Variants in DOCK8 observed in about 807,000 individuals in gnomAD.
DOCK8 encodes dedicator of cytokinesis protein 8.
In DOCK8, 141 loss-of-function variants were observed where a neutral mutation model predicts 245.6. That is an observed-to-expected ratio of 0.57 (90% CI 0.50 to 0.66). The LOEUF is 0.66. DOCK8 is among the 30% of genes least tolerant of loss of function. The pLI is 0.00. For synonymous variants in DOCK8, 1,168 were observed against 970.2 expected, an observed-to-expected ratio of 1.20 and a Z score of -3.79; for missense variants, 2,965 against 2,603.4, an observed-to-expected ratio of 1.14 and a Z score of -3.02.
chr9:336,867 C>G, intron 12 of DOCK8, 149 bp downstream of exon 12: 2 of 1,036,544 alleles, frequency 1.9e-6, no homozygotes, highest in South Asian at 1.4e-5. Context: ...AATAGAGTAT[C>G]TGAAACTGGG....
At chr9:418,405 A>C (rs1256418559) in intron 30 of DOCK8, among the ~76,000 whole-genome samples, 198 bp downstream of exon 30, 3 of 152,136 alleles carry the variant, frequency 2.0e-5, no homozygotes, top group Admixed American at 6.5e-5. Flanking sequence ...CTGGGATTAC[A>C]GGCGTGCACC....
intron 1 of DOCK8, among the ~76,000 whole-genome samples, chr9:227,331 T>C (rs769494857): frequency 2.6e-5 from 4 of 152,232 alleles, no homozygotes; most frequent in Non-Finnish European, 5.9e-5. Flanking sequence ...TAAGACGATG[T>C]AGTAGACTGT....
intron 29 of DOCK8, among the ~76,000 whole-genome samples, chr9:415,441 A>G (rs1044533307): frequency 5.9e-5 from 9 of 152,320 alleles, no homozygotes; most frequent in Non-Finnish European, 1.2e-4. Flanking sequence ...GCAGAGAAAT[A>G]TTGCCCTTGG....
chr9:319,147 A>G (rs1223571111), intron 7 of DOCK8, among the ~76,000 whole-genome samples: 1 of 151,282 alleles, frequency 6.6e-6, no homozygotes, highest in African/African-American at 2.4e-5. Flanking sequence ...AAACTAACAG[A>G]TGTGTTAATT....
chr9:361,807 C>T (rs1265093019), intron 14 of DOCK8, among the ~76,000 whole-genome samples: 5 of 152,232 alleles, frequency 3.3e-5, no homozygotes, highest in South Asian at 4.1e-4. Context: ...AATTTTATTT[C>T]GAAATAAAAT....
At position 386,320 on chromosome 9, in the gene DOCK8, GT is replaced by G. The variant is rs1349975258; in HGVS notation, c.2779-10del. On this transcript the variant is annotated splice_polypyrimidine_tract_variant and intron_variant, in intron 22 of 47. Transcript: ENST00000432829. ...TTGGTTGACTGTTAAGCCATGGTTT[GT>G]GTATTTTAGATCGCCGATCGCAACT... 3 of 1,611,918 alleles carry G rather than the reference GT, an allele frequency of 1.9e-6. No homozygotes were observed. Among genetic ancestry groups the G allele is most frequent in the Non-Finnish European group, 2.5e-6 (3 of 1,178,428 alleles).
chr9:243,524 G>A (rs1305202784), intron 1 of DOCK8, among the ~76,000 whole-genome samples: 1 of 152,112 alleles, frequency 6.6e-6, no homozygotes, highest in Non-Finnish European at 1.5e-5. Flanking sequence ...TGAGATCAAG[G>A]GAAGAAGAAA....
chr9:438,629 A>G (rs572157451), intron 39 of DOCK8, among the ~76,000 whole-genome samples: 1 of 152,210 alleles, frequency 6.6e-6, no homozygotes, highest in Non-Finnish European at 1.5e-5. Context: ...CACCCCAACC[A>G]TGGTCTCTGC....
At chr9:298,050 C>G (rs1403938745) in intron 4 of DOCK8, among the ~76,000 whole-genome samples, 1 of 152,194 alleles carries the variant, frequency 6.6e-6, no homozygotes, top group Non-Finnish European at 1.5e-5. Flanking sequence ...AGAAAGCAAG[C>G]ATCATTTGTG....
At chr9:275,225 A>G (rs1336793733) in intron 2 of DOCK8, among the ~76,000 whole-genome samples, 1 of 152,190 alleles carries the variant, frequency 6.6e-6, no homozygotes, top group Non-Finnish European at 1.5e-5. Flanking sequence ...ACGATTTGGC[A>G]CTATGGAGAC....
intron 1 of DOCK8, among the ~76,000 whole-genome samples, chr9:230,314 G>A (rs1489982222): frequency 6.6e-6 from 1 of 151,832 alleles, no homozygotes; most frequent in Admixed American, 6.6e-5. Context: ...TGGGCATTTG[G>A]GTTGGTTCCA....
At position 286,554 on chromosome 9, in the gene DOCK8, G is replaced by A. The variant is rs1318020471; in HGVS notation, c.250G>A (p.Gly84Arg). 1.1e-5 allele frequency: 17 copies of A among 1,613,810 alleles called. No individual in the cohort carries two copies. The Middle Eastern group carries it at 6.6e-4, about 62-fold the overall frequency. The change falls in exon 3 of 48, where the codon GGG becomes AGG. Residue 84 changes from glycine to arginine, a missense_variant. Physicochemically the swap from Gly to Arg is moderately radical, Grantham distance 125 (BLOSUM62 -2). This residue lies in a region of DOCK8 where 2,825 missense variants were observed against 2,453.5 expected (regional missense o/e 1.15). Transcript: ENST00000432829. ...SLDVQLAQEL[G>R]DFTDDDLDVV... ...GGATGTGCAGCTTGCCCAGGAGCTC[G>A]GGGACTTCACTGATGACGACTTGGA... is the stretch of plus-strand genomic sequence containing the variant.
chr9:290,728 G>A (rs896833506), intron 4 of DOCK8, among the ~76,000 whole-genome samples: 22 of 152,276 alleles, frequency 1.4e-4, no homozygotes, highest in African/African-American at 3.8e-4. Flanking sequence ...CTAGAGACAC[G>A]TCACAGAACC....
intron 15 of DOCK8, chr9:369,255 C>T (rs1375459729): frequency 6.6e-6 from 1 of 152,192 alleles, no homozygotes; most frequent in African/African-American, 2.4e-5. Flanking sequence ...CCTCTTAGTC[C>T]TCTCTGCTCA....
At chr9:241,534 A>G (rs1422766856) in intron 1 of DOCK8, among the ~76,000 whole-genome samples, 1 of 152,128 alleles carries the variant, frequency 6.6e-6, no homozygotes, top group East Asian at 1.9e-4. Context: ...CTCCATTTCC[A>G]TCCATATTGC....
chr9:223,811 G>C (rs1486971989), intron 1 of DOCK8, among the ~76,000 whole-genome samples: 1 of 151,726 alleles, frequency 6.6e-6, no homozygotes, highest in Non-Finnish European at 1.5e-5. Flanking sequence ...AGATAAATGT[G>C]AAGTCCCTGT....
intron 1 of DOCK8, among the ~76,000 whole-genome samples, chr9:223,179 A>G (rs2046921387): frequency 6.6e-6 from 1 of 152,218 alleles, no homozygotes; most frequent in African/African-American, 2.4e-5. Flanking sequence ...TTCTTCTGTG[A>G]TAGAGACCAA....
At chr9:225,141 A>C (rs1014134337) in intron 1 of DOCK8, among the ~76,000 whole-genome samples, 2 of 150,722 alleles carry the variant, frequency 1.3e-5, no homozygotes, top group African/African-American at 4.9e-5. Flanking sequence ...ACAAACAGAC[A>C]AGCAGCCTAT....
rs5895837 is a variant in DOCK8, at chr9:292,387, C to CAAAAAA, written c.404+2827_404+2832dup. Reference sequence around the variant, plus strand: ...GGGCAACAAGAGTGAAACTCCGTCTCAAAAAAAAAAAAAAAAAAAAAAAAA... The same window carrying CAAAAAA: ...GGGCAACAAGAGTGAAACTCCGTCTCAAAAAAAAAAAAAAAAAAAAAAAAAAAAAAA... On this transcript the variant is annotated intron_variant, in intron 4 of 47. Coordinates refer to ENST00000432829, the MANE Select transcript of DOCK8 (RefSeq NM_203447.4). Among the ~76,000 whole-genome samples the CAAAAAA allele has an allele frequency of 9.4e-4, 59 of 63,054 alleles. 8 individuals are homozygous for CAAAAAA. The highest frequency in any genetic ancestry group is 2.9e-3 in the South Asian group (3 of 1,040). The allele number at this position is 63,054 out of a possible 152,430, so 41.4% of individuals were successfully genotyped here. A position where few individuals can be genotyped will look rare whatever the true frequency, so the allele number is the denominator to read the frequency against.
Sources: allele counts gnomAD v4.1 joint callset (sites outside exome capture counted in the v4.1 genomes callset), GRCh38; gene constraint gnomAD v4.1.1; regional missense constraint gnomAD v4.1.1; transcripts MANE v1.5; gene names NCBI Gene and HGNC (gene_info 2026-07-23, HGNC 2026-07-21).